UBR3: variants seen among roughly 807,000 people sequenced by gnomAD.
UBR3 encodes ubiquitin protein ligase E3 component n-recognin 3.
A neutral mutation model predicts 243.2 loss-of-function variants in UBR3; 85 were observed. The ratio of observed to expected loss-of-function variants is 0.35; its 90% CI spans 0.29 to 0.42. The LOEUF (loss-of-function observed/expected upper bound fraction) is 0.42, where lower values mean the gene tolerates loss of function less well. UBR3 is among the 10% of genes least tolerant of loss of function. UBR3 has a pLI of 1.00. For missense variants in UBR3, 1,686 were observed against 2,300.8 expected (o/e 0.73, Z 5.47); for synonymous variants, 748 against 799.8 (o/e 0.94, Z 1.09).
intron 22 of UBR3, 185 bp from the exon 23 acceptor site, chr2:169,949,420 T>C: frequency 1.9e-6 from 1 of 530,544 alleles, no homozygotes; most frequent in Non-Finnish European, 3.2e-6. Context: ...TGTTTCTAGA[T>C]TGAGTGGGAT....
chr2:169,998,868 T>C (rs978298323), intron 26 of UBR3, among the ~76,000 whole-genome samples: 2 of 152,204 alleles, frequency 1.3e-5, no homozygotes, highest in African/African-American at 2.4e-5. Flanking sequence ...TTTGAACTTA[T>C]AACTTAGTGA....
rs890208676 is a variant in UBR3 at position 170,080,187 on chromosome 2, C to A, written c.5409+164C>A. ...CAGTAGAAGAGTAAAAAAAGAAAGT[C>A]TTTGAGGCTTTAAGTGAGTAAATCC... On this transcript the variant is annotated intron_variant, in intron 37 of 38. Coordinates refer to ENST00000272793, the MANE Select transcript of UBR3 (RefSeq NM_172070.4). 18 of 697,080 alleles carry A rather than the reference C, an allele frequency of 2.6e-5. No homozygotes were observed. In the Admixed American group the frequency reaches 5.0e-4, roughly 19 times the overall value. 43.2% of individuals were successfully genotyped at this position (697,080 alleles called of 1,614,324 possible).
chr2:169,929,605 G>A (rs926268493), intron 18 of UBR3, among the ~76,000 whole-genome samples: 1 of 151,998 alleles, frequency 6.6e-6, no homozygotes, highest in Non-Finnish European at 1.5e-5. Context: ...ATAGAATGCT[G>A]ATAGCACTTA....
intron 26 of UBR3, among the ~76,000 whole-genome samples, chr2:169,999,041 T>C (rs1199775600): frequency 6.6e-6 from 1 of 152,250 alleles, no homozygotes; most frequent in East Asian, 1.9e-4. Flanking sequence ...TATTAAGTGT[T>C]ATCCTGCATT....
chr2:169,952,034 G>A (rs183105869), intron 23 of UBR3, among the ~76,000 whole-genome samples: 10 of 152,320 alleles, frequency 6.6e-5, no homozygotes, highest in Non-Finnish European at 1.3e-4. Flanking sequence ...TGTCCAGTCA[G>A]ATATAGGGTT....
In UBR3 at chr2:169,891,148, A is replaced by G; in HGVS notation, c.1039-17A>G. On this transcript the variant is annotated splice_polypyrimidine_tract_variant and intron_variant, in intron 5 of 38. Transcript: ENST00000272793. ...ATGAATGTGACTGTGTATAATGCTA[A>G]TATTATTTTCCTTCAGGATGATCAG... is the stretch of plus-strand genomic sequence containing the variant. The G allele has an allele frequency of 3.2e-6, 5 of 1,540,816 alleles. No individual in the cohort carries two copies. The highest frequency in any genetic ancestry group is 4.4e-6 in the Non-Finnish European group (5 of 1,138,250).
intron 25 of UBR3, among the ~76,000 whole-genome samples, chr2:169,992,029 G>T (rs1306086342): frequency 6.6e-6 from 1 of 152,080 alleles, no homozygotes; most frequent in Non-Finnish European, 1.5e-5. Context: ...AGCTGTAAAT[G>T]CATACATTAA....
chr2:170,025,075 A>G (rs114712118), intron 30 of UBR3, among the ~76,000 whole-genome samples: 2,788 of 152,238 alleles, frequency 0.018, 39 homozygotes, highest in Middle Eastern at 0.051. Context: ...CATGAATTTT[A>G]TGCTTATATT....
At chr2:169,844,824 A>G (rs1279707015) in intron 1 of UBR3, among the ~76,000 whole-genome samples, 6 of 151,916 alleles carry the variant, frequency 3.9e-5, no homozygotes, top group African/African-American at 1.5e-4. Context: ...TTACTTTTTC[A>G]AGGAACCAGC....
chr2:169,897,639 A>G (rs1161362849), intron 8 of UBR3, among the ~76,000 whole-genome samples: 1 of 151,950 alleles, frequency 6.6e-6, no homozygotes, highest in Admixed American at 6.6e-5. Context: ...TAGCTGGGAT[A>G]ACAGGTGTAC....
chr2:169,933,880 TAACAACAAC>T (rs67099094), intron 19 of UBR3, among the ~76,000 whole-genome samples: 5 of 151,268 alleles, frequency 3.3e-5, no homozygotes, highest in South Asian at 2.1e-4. Flanking sequence ...TTTAAATCAA[TAACAACAAC>T]AACAACAACA....
chr2:169,841,146 G>A (rs2082274362), intron 1 of UBR3, among the ~76,000 whole-genome samples: 1 of 151,792 alleles, frequency 6.6e-6, no homozygotes, highest in Non-Finnish European at 1.5e-5. Flanking sequence ...TTCTTTACCT[G>A]GCCTGGTTGA....
At position 169,963,539 on chromosome 2, in the gene UBR3, C is replaced by T. The variant is rs188025338; in HGVS notation, c.3634+5013C>T. Among the ~76,000 whole-genome samples, 165 of 151,738 alleles carry T rather than the reference C, an allele frequency of 1.1e-3. 1 individual carries two copies. Among genetic ancestry groups the T allele is most frequent in the Non-Finnish European group, 1.3e-3 (85 of 67,928 alleles). On this transcript the variant is annotated intron_variant, in intron 24 of 38. Coordinates refer to ENST00000272793, the MANE Select transcript of UBR3 (RefSeq NM_172070.4). The stretch of plus-strand genomic sequence containing the variant: ...AGTAGGAGTTTTTTAAAAAAGAATG[C>T]GGGACAAAAGCAGATATTTAGCCTG...
At position 169,906,065 on chromosome 2, in the gene UBR3, T is replaced by C. The variant is rs1195052532; in HGVS notation, c.1680T>C (p.His560=). 2.6e-6 allele frequency: 4 copies of C among 1,551,658 alleles called. No individual in the cohort carries two copies. The highest frequency in any genetic ancestry group is 3.5e-6 in the Non-Finnish European group (4 of 1,146,954). The change falls in exon 10 of 39, where the codon CAT becomes CAC. Residue 560 remains histidine (H), a synonymous_variant. Coordinates refer to ENST00000272793, the MANE Select transcript of UBR3 (RefSeq NM_172070.4). The part of the protein sequence containing the change: ...MNLNKRELNE[H]VEFESQTYYA... ...TAAACAAGCGAGAACTAAACGAGCA[T>C]GTGGAATTTGAGTCTCAGACCTACT...
At chr2:170,034,994 G>A (rs569973810) in intron 31 of UBR3, among the ~76,000 whole-genome samples, 3 of 151,922 alleles carry the variant, frequency 2.0e-5, no homozygotes, top group African/African-American at 7.2e-5. Flanking sequence ...TGTTAATGCC[G>A]TGGTACCATT....
intron 6 of UBR3, among the ~76,000 whole-genome samples, chr2:169,893,140 C>T (rs527838428): frequency 2.0e-5 from 3 of 152,272 alleles, no homozygotes; most frequent in South Asian, 2.1e-4. Flanking sequence ...GGGAGACTGA[C>T]ATCACCTATT....
chr2:169,848,334 GTTTT>G (rs397966443), intron 1 of UBR3, among the ~76,000 whole-genome samples: 2 of 129,548 alleles, frequency 1.5e-5, no homozygotes, highest in Non-Finnish European at 3.3e-5. Flanking sequence ...AAGTATCATA[GTTTT>G]TTTTTTTTTT....
intron 1 of UBR3, among the ~76,000 whole-genome samples, chr2:169,843,114 A>G: frequency 6.6e-6 from 1 of 152,230 alleles, no homozygotes; most frequent in East Asian, 1.9e-4. Context: ...ACCCAGTTCA[A>G]AAGCCACTTC....
chr2:170,050,985 C>T (rs1384344829), intron 32 of UBR3, among the ~76,000 whole-genome samples: 2 of 152,120 alleles, frequency 1.3e-5, no homozygotes, highest in Non-Finnish European at 2.9e-5. Context: ...TTGCATATAA[C>T]CTACACATAT....
Sources: gnomAD v4.1 joint callset for allele counts (sites outside exome capture counted in the v4.1 genomes callset) on GRCh38, gnomAD v4.1.1 for gene constraint, MANE v1.5 for transcripts, NCBI Gene and HGNC (gene_info 2026-07-23, HGNC 2026-07-21) for gene names.